The following CLOCK variants were observed in gnomAD, a reference collection of about 807,000 sequenced individuals.
CLOCK encodes the protein clock circadian regulator.
Under a neutral mutation model 118.4 loss-of-function variants are expected in CLOCK, and 43 were observed. That is an observed-to-expected ratio of 0.36 (90% CI 0.28 to 0.47). The LOEUF is 0.47. Among genes scored for constraint, CLOCK ranks in the 20% least tolerant of loss-of-function variants. The pLI is 1.00. For missense variants in CLOCK, 846 were observed against 999.9 expected (o/e 0.85, Z 2.08); for synonymous variants, 326 against 339.2 (o/e 0.96, Z 0.43).
chr4:55,477,404 G>A (rs1339393910), intron 6 of CLOCK, among the ~76,000 whole-genome samples: 2 of 151,966 alleles, frequency 1.3e-5, no homozygotes, highest in Non-Finnish European at 2.9e-5. Flanking sequence ...AATAGTGGTG[G>A]CAATAAATAT....
intron 8 of CLOCK, among the ~76,000 whole-genome samples, chr4:55,467,572 T>C (rs889764763): frequency 4.6e-5 from 7 of 152,246 alleles, no homozygotes; most frequent in Non-Finnish European, 8.8e-5. Flanking sequence ...CTAGATTATA[T>C]AGTTTCTGTA....
At chr4:55,526,404 C>A (rs1006733735) in intron 1 of CLOCK, among the ~76,000 whole-genome samples, 1 of 152,170 alleles carries the variant, frequency 6.6e-6, no homozygotes, top group South Asian at 2.1e-4. Flanking sequence ...ATCTTAACAT[C>A]TTTAACACTG....
chr4:55,480,751 C>T (rs571371732), intron 4 of CLOCK, among the ~76,000 whole-genome samples: 6 of 151,812 alleles, frequency 4.0e-5, no homozygotes, highest in Non-Finnish European at 7.4e-5. Flanking sequence ...CTTAGCCGGG[C>T]GTGGTGATGG....
chr4:55,514,494 T>C (rs1404485364), intron 1 of CLOCK, among the ~76,000 whole-genome samples: 1 of 132,240 alleles, frequency 7.6e-6, no homozygotes, highest in East Asian at 2.8e-4. Flanking sequence ...TTTTAGAACA[T>C]TTTTATCCCC....
intron 21 of CLOCK, among the ~76,000 whole-genome samples, chr4:55,440,506 TTATG>T (rs1251341741): frequency 2.6e-5 from 4 of 152,198 alleles, no homozygotes; most frequent in African/African-American, 4.8e-5. Context: ...TACAAACTGT[TTATG>T]TAACAATATT....
chr4:55,545,847 A>T (rs924121585), intron 1 of CLOCK: 2 of 152,296 alleles, frequency 1.3e-5, no homozygotes, highest in African/African-American at 4.8e-5. Flanking sequence ...GGTGACGGGG[A>T]ACGGGAAGCG....
At chr4:55,542,066 C>T (rs192993997) in intron 1 of CLOCK, among the ~76,000 whole-genome samples, 1 of 151,634 alleles carries the variant, frequency 6.6e-6, no homozygotes, top group African/African-American at 2.4e-5. Context: ...TTCAGTTGGG[C>T]ATGGTGGCTC....
Position 55,530,305 on chromosome 4 carries a change from A to T in CLOCK, c.-290+16477T>A, listed in dbSNP as rs79368332. On this transcript the variant is annotated intron_variant, in intron 1 of 22. Coordinates refer to ENST00000513440, the MANE Select transcript of CLOCK (RefSeq NM_004898.4). ...TAGCATCAGACATCTTACCGTCTTG[A>T]TGCTCAACAGAATTGAGCAAAAACC... Among the ~76,000 whole-genome samples, 36 of 152,336 alleles carry T rather than the reference A, an allele frequency of 2.4e-4. No homozygotes were observed. In the East Asian group the frequency reaches 6.7e-3, roughly 29 times the overall value.
intron 11 of CLOCK, among the ~76,000 whole-genome samples, chr4:55,457,430 A>G (rs11932595): frequency 0.39 from 58,848 of 151,946 alleles, 11,698 homozygotes; most frequent in South Asian, 0.43. Context: ...GACCCCTGCC[A>G]TCACTGATTT....
rs201487137 is a variant in CLOCK, at chr4:55,438,269, T to C, written c.2361+13A>G. The C allele has an allele frequency of 1.2e-6, 2 of 1,613,994 alleles. No homozygotes were observed. The highest frequency in any genetic ancestry group is 1.7e-5 in the Admixed American group (1 of 59,988). On this transcript the variant is annotated intron_variant, in intron 22 of 22. Transcript: ENST00000513440. ...AAATGAGTTTGAAGCAGCTTCCCCA[T>C]GGGGAGAATTACCTGTAAAAATTGT...
chr4:55,507,329 G>A (rs895157937), intron 2 of CLOCK, among the ~76,000 whole-genome samples: 1 of 151,402 alleles, frequency 6.6e-6, no homozygotes, highest in African/African-American at 2.4e-5. Flanking sequence ...AAGGTAGGGG[G>A]GAGCCAGGCA....
At chr4:55,526,184 T>C (rs1730174409) in intron 1 of CLOCK, among the ~76,000 whole-genome samples, 1 of 152,232 alleles carries the variant, frequency 6.6e-6, no homozygotes, top group Non-Finnish European at 1.5e-5. Flanking sequence ...CAAAGCATTT[T>C]CCTTGACTGG....
At chr4:55,480,511 C>T (rs550732172) in intron 4 of CLOCK, among the ~76,000 whole-genome samples, 138 of 152,294 alleles carry the variant, frequency 9.1e-4, no homozygotes, top group African/African-American at 3.2e-3. Flanking sequence ...AATGACCTTC[C>T]TATCTCAGCC....
chr4:55,436,471 G>C (rs1406547267), intron 22 of CLOCK, among the ~76,000 whole-genome samples: 3 of 152,122 alleles, frequency 2.0e-5, no homozygotes, highest in Admixed American at 2.0e-4. Context: ...ACAAAAAAAT[G>C]TTAACAGAAA....
In CLOCK at chr4:55,430,184, T is replaced by A. The variant is rs1468674677; in HGVS notation, c.*5231A>T. 1 of 151,808 alleles carries A rather than the reference T, an allele frequency of 6.6e-6. No individual in the cohort carries two copies. The highest frequency in any genetic ancestry group is 1.5e-5 in the Non-Finnish European group (1 of 67,930). 9.4% of individuals were successfully genotyped at this position (151,808 alleles called of 1,614,324 possible). A position where few individuals can be genotyped will look rare whatever the true frequency, so the allele number is the denominator to read the frequency against. Reference sequence around the variant, plus strand: ...CTTTCATAAATACTTACTAGTTTGATTGTCACTTAATGCAGCACCTCAGTG... The same window carrying A: ...CTTTCATAAATACTTACTAGTTTGAATGTCACTTAATGCAGCACCTCAGTG... On this transcript the variant is annotated 3_prime_UTR_variant, in exon 23 of 23. Transcript: ENST00000513440.
At chr4:55,495,153 CCATCCCTATATACTTT>C (rs1299099332) in intron 2 of CLOCK, among the ~76,000 whole-genome samples, 4 of 152,256 alleles carry the variant, frequency 2.6e-5, no homozygotes, top group East Asian at 3.9e-4. Context: ...AAGTCATCCC[CCATCCCTATATACTTT>C]CATCCCTATA....
At chr4:55,453,908 T>A in intron 13 of CLOCK, 84 bp from the exon 14 acceptor site, 1 of 1,036,450 alleles carries the variant, frequency 9.6e-7, no homozygotes, top group Non-Finnish European at 1.4e-6. Flanking sequence ...CATTTACATT[T>A]AAGTTTACAC....
intron 15 of CLOCK, 140 bp downstream of exon 15, chr4:55,452,914 A>G: frequency 1.6e-6 from 1 of 619,602 alleles, no homozygotes; most frequent in Non-Finnish European, 2.8e-6. Context: ...ATTAAAAATA[A>G]GTAGTAAAGT....
At chr4:55,455,840 A>G in intron 13 of CLOCK, 57 bp downstream of exon 13, 1 of 1,136,466 alleles carries the variant, frequency 8.8e-7, no homozygotes, top group Non-Finnish European at 1.3e-6. Flanking sequence ...TCATTTCAGG[A>G]CAGGACTTCT....
Sources: gnomAD v4.1 joint callset for allele counts (sites outside exome capture counted in the v4.1 genomes callset) on GRCh38, gnomAD v4.1.1 for gene constraint, MANE v1.5 for transcripts, NCBI Gene and HGNC (gene_info 2026-07-23, HGNC 2026-07-21) for gene names.